The following LARGE1 variants were observed in gnomAD, a reference collection of about 807,000 sequenced individuals.
LARGE1 encodes the protein LARGE xylosyl- and glucuronyltransferase 1, also known as xylosyl- and glucuronyltransferase LARGE1.
In LARGE1, 43 loss-of-function variants were observed where a neutral mutation model predicts 87.6. That is an observed-to-expected ratio of 0.49 (90% confidence interval 0.38 to 0.63). The LOEUF is 0.63. LARGE1 is among the 30% of genes least tolerant of loss of function. LARGE1 has a pLI of 0.00. For missense variants in LARGE1, 802 were observed against 1,000.2 expected, an observed-to-expected ratio of 0.80 and a Z score of 2.67; for synonymous variants, 434 against 394.6, an observed-to-expected ratio of 1.10 and a Z score of -1.18.
chr22:33,636,266 ACTGATCCATCATGGGGG>A (rs1488620757), intron 3 of LARGE1, among the ~76,000 whole-genome samples: 1 of 152,152 alleles, frequency 6.6e-6, no homozygotes, highest in Non-Finnish European at 1.5e-5. Flanking sequence ...ACACCCCAAT[ACTGATCCATCATGGGGG>A]CCTCTGGAAG....
At chr22:33,774,357 T>TTCTG (rs2085166229) in intron 1 of LARGE1, among the ~76,000 whole-genome samples, 1 of 152,200 alleles carries the variant, frequency 6.6e-6, no homozygotes, top group Non-Finnish European at 1.5e-5. Context: ...TTTTTTTTCT[T>TTCTG]TCTTTCTTTC....
chr22:33,555,447 T>C (rs1187985769), intron 6 of LARGE1, among the ~76,000 whole-genome samples: 1 of 151,730 alleles, frequency 6.6e-6, no homozygotes, highest in Non-Finnish European at 1.5e-5. Flanking sequence ...AATGGGATGG[T>C]GTCTCAGGCT....
Position 33,629,415 on chromosome 22 carries a change from C to T in LARGE1, c.409-3089G>A, listed in dbSNP as rs150917395. 2.1e-3 allele frequency among the ~76,000 whole-genome samples: 316 copies of T among 152,248 alleles called. 1 individual carries two copies. Among genetic ancestry groups the T allele is most frequent in the East Asian group, 0.012 (64 of 5,166 alleles). ...AAGCACAAGCATGCACATTCTTGAACATTTTACATAATTTTCCAATCTCTT... is the reference window on the plus strand; with the variant it reads ...AAGCACAAGCATGCACATTCTTGAATATTTTACATAATTTTCCAATCTCTT... On this transcript the variant is annotated intron_variant, in intron 3 of 14. Coordinates refer to ENST00000397394, the MANE Select transcript of LARGE1 (RefSeq NM_133642.5).
intron 11 of LARGE1, among the ~76,000 whole-genome samples, chr22:33,244,356 A>T (rs1602140537): frequency 6.6e-6 from 1 of 152,160 alleles, no homozygotes; most frequent in South Asian, 2.1e-4. Flanking sequence ...AAATTCTAAT[A>T]AGCTAAGCAA....
chr22:33,556,180 C>A (rs1218207882), intron 6 of LARGE1, among the ~76,000 whole-genome samples: 1 of 151,928 alleles, frequency 6.6e-6, no homozygotes, highest in Non-Finnish European at 1.5e-5. Flanking sequence ...ACTTTCTACA[C>A]TTGCATGTAA....
intron 4 of LARGE1, among the ~76,000 whole-genome samples, chr22:33,616,388 T>G (rs1237127819): frequency 6.6e-6 from 1 of 151,912 alleles, no homozygotes; most frequent in East Asian, 1.9e-4. Flanking sequence ...AAAAATTAGC[T>G]GGGCATGGTG....
chr22:33,254,935 ATTTT>A (rs11363318), intron 11 of LARGE1, among the ~76,000 whole-genome samples: 2 of 128,268 alleles, frequency 1.6e-5, no homozygotes. Flanking sequence ...CTACCTGTAG[ATTTT>A]TTTTTTTTTT....
chr22:33,458,304 C>A (rs2068224607), intron 6 of LARGE1, among the ~76,000 whole-genome samples: 1 of 152,120 alleles, frequency 6.6e-6, no homozygotes, highest in Admixed American at 6.6e-5. Context: ...CGGGGTTTCA[C>A]TGTGTCAGCC....
chr22:33,821,135 C>T (rs973452260), intron 1 of LARGE1, among the ~76,000 whole-genome samples: 2 of 152,206 alleles, frequency 1.3e-5, no homozygotes, highest in Non-Finnish European at 2.9e-5. Flanking sequence ...TTAAGAATCT[C>T]TAATTGCTTC....
At chr22:33,901,968 C>G (rs1468574102) in intron 1 of LARGE1, among the ~76,000 whole-genome samples, 5 of 152,192 alleles carry the variant, frequency 3.3e-5, no homozygotes, top group Non-Finnish European at 2.9e-5. Context: ...TCATTCTAAA[C>G]AGAGACAGAC....
chr22:33,761,418 C>CA lies in LARGE1; in HGVS notation c.58dup (p.Cys20LeufsTer145). The stretch of plus-strand genomic sequence containing the variant: ...GTAAATCCAGGTGATGGCTGGGATG[C>CA]AGAGAAGACTCAACGAGGCAGCCAA... On this transcript the variant is annotated frameshift_variant, in exon 2 of 15. Transcript: ENST00000397394. LOFTEE classifies it high-confidence loss of function. The CA allele has an allele frequency of 6.2e-7, 1 of 1,614,048 alleles. No individual in the cohort carries two copies. The highest frequency in any genetic ancestry group is 8.5e-7 in the Non-Finnish European group (1 of 1,180,012).
chr22:33,626,152 A>G (rs2079913951), intron 4 of LARGE1, 92 bp downstream of exon 4: 1 of 1,022,124 alleles, frequency 9.8e-7, no homozygotes, highest in Non-Finnish European at 1.5e-6. Flanking sequence ...ATGATTGATG[A>G]GAAATTTTGC....
At chr22:33,260,868 G>A (rs1015437349) in intron 11 of LARGE1, among the ~76,000 whole-genome samples, 1 of 152,156 alleles carries the variant, frequency 6.6e-6, no homozygotes, top group Non-Finnish European at 1.5e-5. Flanking sequence ...TGAACTGCTT[G>A]GACCCAGCAC....
At chr22:33,884,063 G>A (rs2064774462) in intron 1 of LARGE1, among the ~76,000 whole-genome samples, 1 of 152,216 alleles carries the variant, frequency 6.6e-6, no homozygotes, top group Admixed American at 6.5e-5. Flanking sequence ...ACAGTAAATA[G>A]TTGTGTGATG....
intron 6 of LARGE1, among the ~76,000 whole-genome samples, chr22:33,432,609 A>C (rs2067120576): frequency 6.6e-6 from 1 of 152,150 alleles, no homozygotes; most frequent in South Asian, 2.1e-4. Flanking sequence ...GCATGCATGC[A>C]TGCATTTCTT....
intron 10 of LARGE1, among the ~76,000 whole-genome samples, chr22:33,336,976 G>A (rs542676824): frequency 1.3e-5 from 2 of 151,266 alleles, no homozygotes; most frequent in South Asian, 2.1e-4. Flanking sequence ...CGGGAGAATC[G>A]CTTGAACCCG....
intron 10 of LARGE1, among the ~76,000 whole-genome samples, chr22:33,325,122 T>G (rs1203999115): frequency 7.2e-5 from 11 of 152,256 alleles, no homozygotes; most frequent in African/African-American, 2.4e-4. Context: ...GGTAACCAAC[T>G]CACTACAATG....
intron 2 of LARGE1, among the ~76,000 whole-genome samples, chr22:33,692,747 AG>A (rs1458333724): frequency 6.6e-6 from 1 of 152,244 alleles, no homozygotes; most frequent in African/African-American, 2.4e-5. Flanking sequence ...TTTTGCTAAA[AG>A]TACTGTATCA....
chr22:33,221,330 C>T (rs991212044), intron 11 of LARGE1, among the ~76,000 whole-genome samples: 1 of 152,110 alleles, frequency 6.6e-6, no homozygotes, highest in African/African-American at 2.4e-5. Context: ...TATCTCAATT[C>T]TCTCTCTCCT....
Sources: gnomAD v4.1 joint callset for allele counts (sites outside exome capture counted in the v4.1 genomes callset) on GRCh38, gnomAD v4.1.1 for gene constraint, MANE v1.5 for transcripts, NCBI Gene and HGNC (gene_info 2026-07-23, HGNC 2026-07-21) for gene names.